NREP: variants seen among roughly 807,000 people sequenced by gnomAD.
NREP encodes the protein neuronal regeneration-related protein.
Under a neutral mutation model 8.6 loss-of-function variants are expected in NREP, and 5 were observed. The observed-to-expected ratio is 0.58, with a 90% CI of 0.30 to 1.22. NREP has a LOEUF of 1.22. NREP is among the 50% of genes most tolerant of loss of function. The pLI, the probability that NREP is intolerant of heterozygous loss-of-function variation, is 0.07. For synonymous variants in NREP, 27 were observed against 28.0 expected (o/e 0.96, Z 0.11); for missense variants, 86 against 82.5 (o/e 1.04, Z -0.17).
At chr5:111,868,480 G>A (rs934643656) in intron 2 of NREP, among the ~76,000 whole-genome samples, 3 of 151,996 alleles carry the variant, frequency 2.0e-5, no homozygotes, top group African/African-American at 4.8e-5. Flanking sequence ...ACTCCCAAAT[G>A]GATTTTGTTT....
intron 2 of NREP, among the ~76,000 whole-genome samples, chr5:111,792,477 T>C (rs983004368): frequency 6.6e-6 from 1 of 152,192 alleles, no homozygotes; most frequent in Non-Finnish European, 1.5e-5. Context: ...TAAACTTGGA[T>C]GCACAATAAA....
At chr5:111,782,442 T>A (rs1314308611) in intron 2 of NREP, among the ~76,000 whole-genome samples, 1 of 152,232 alleles carries the variant, frequency 6.6e-6, no homozygotes, top group Non-Finnish European at 1.5e-5. Flanking sequence ...GATGTGATCA[T>A]ATATTCTGCC....
chr5:111,894,034 A>T (rs1241447011), intron 2 of NREP, among the ~76,000 whole-genome samples: 2 of 152,010 alleles, frequency 1.3e-5, no homozygotes, highest in African/African-American at 2.4e-5. Flanking sequence ...CCTGGCAAAC[A>T]TGATGAAACC....
intron 2 of NREP, among the ~76,000 whole-genome samples, chr5:111,741,161 G>A (rs774728121): frequency 3.3e-5 from 5 of 152,126 alleles, no homozygotes; most frequent in African/African-American, 7.2e-5. Context: ...ATGGGTATGC[G>A]TATCTGTCTC....
At chr5:111,788,229 T>C (rs1270202960) in intron 2 of NREP, among the ~76,000 whole-genome samples, 1 of 152,242 alleles carries the variant, frequency 6.6e-6, no homozygotes, top group Non-Finnish European at 1.5e-5. Context: ...GTAGGTTCAA[T>C]GGGCCAAAAT....
intron 2 of NREP, among the ~76,000 whole-genome samples, chr5:111,740,070 C>A (rs1052845227): frequency 5.4e-4 from 81 of 151,042 alleles, no homozygotes; most frequent in Admixed American, 2.6e-4. Flanking sequence ...GGAGAATATG[C>A]AACAGTTTTG....
intron 2 of NREP, among the ~76,000 whole-genome samples, chr5:111,799,450 C>T (rs1487810845): frequency 6.6e-6 from 1 of 152,078 alleles, no homozygotes; most frequent in Admixed American, 6.6e-5. Flanking sequence ...TTGTTAAATC[C>T]CATTTGTGGT....
chr5:111,902,706 C>A (rs1754675078), intron 2 of NREP, among the ~76,000 whole-genome samples: 1 of 152,110 alleles, frequency 6.6e-6, no homozygotes, highest in Non-Finnish European at 1.5e-5. Context: ...AAAGCTTTAG[C>A]AGAAAAAATA....
At chr5:111,782,971 A>G (rs891652300) in intron 2 of NREP, among the ~76,000 whole-genome samples, 1 of 152,086 alleles carries the variant, frequency 6.6e-6, no homozygotes, top group African/African-American at 2.4e-5. Context: ...GGCCTCAAGT[A>G]ATCCACCTGC....
At chr5:111,758,175 G>C (rs1412653994), upstream of NREP, 2 of 985,452 alleles carry the variant, frequency 2.0e-6, no homozygotes, top group African/African-American at 3.5e-5. Context: ...CCGGGGCGGG[G>C]AGCGCCCCTG....
intron 2 of NREP, among the ~76,000 whole-genome samples, chr5:111,831,826 G>A (rs1246946932): frequency 6.6e-6 from 1 of 152,170 alleles, no homozygotes; most frequent in Non-Finnish European, 1.5e-5. Flanking sequence ...ACGCCCTCAA[G>A]ATAGCTGCCA....
At chr5:111,733,534 G>GC (rs1262525385) in intron 3 of NREP, 1 of 150,158 alleles carries the variant, frequency 6.7e-6, no homozygotes, top group Non-Finnish European at 1.5e-5. Context: ...TAGGCTTTCT[G>GC]CCCCAACTAA....
intron 2 of NREP, among the ~76,000 whole-genome samples, chr5:111,922,241 T>G (rs1211064768): frequency 6.6e-6 from 1 of 152,086 alleles, no homozygotes; most frequent in East Asian, 1.9e-4. Context: ...CTACCTTTCT[T>G]GAGGACTGGG....
chr5:111,750,606 CCTCA>C (rs1465940932), intron 2 of NREP, among the ~76,000 whole-genome samples: 1 of 152,186 alleles, frequency 6.6e-6, no homozygotes, highest in Non-Finnish European at 1.5e-5. Flanking sequence ...AATCCCCAGT[CCTCA>C]CTAACATCAC....
At chr5:111,796,222 T>C (rs1339729285) in intron 2 of NREP, among the ~76,000 whole-genome samples, 1 of 152,192 alleles carries the variant, frequency 6.6e-6, no homozygotes, top group Non-Finnish European at 1.5e-5. Context: ...TCTTTCCTTT[T>C]GTCTCTTGCC....
chr5:111,960,458 A>G (rs1756448769), intron 2 of NREP, among the ~76,000 whole-genome samples: 2 of 152,330 alleles, frequency 1.3e-5, no homozygotes, highest in South Asian at 4.1e-4. Flanking sequence ...AATATGTGCC[A>G]TTGTTAACAA....
At chr5:111,798,297 T>C (rs1008079788) in intron 2 of NREP, among the ~76,000 whole-genome samples, 13 of 152,336 alleles carry the variant, frequency 8.5e-5, no homozygotes, top group Admixed American at 8.5e-4. Flanking sequence ...CAAAAATCTT[T>C]GGAAATTGAC....
intron 2 of NREP, among the ~76,000 whole-genome samples, chr5:111,917,890 A>G (rs1561344852): frequency 6.6e-6 from 1 of 152,174 alleles, no homozygotes; most frequent in Non-Finnish European, 1.5e-5. Context: ...AATAAAAGGT[A>G]TTCAGTTAGG....
At chr5:111,811,907 A>C (rs1752278546) in intron 2 of NREP, among the ~76,000 whole-genome samples, 1 of 152,202 alleles carries the variant, frequency 6.6e-6, no homozygotes, top group Non-Finnish European at 1.5e-5. Flanking sequence ...TAACTTAAAG[A>C]AATTAAAAAC....
Sources: allele counts gnomAD v4.1 joint callset (sites outside exome capture counted in the v4.1 genomes callset), GRCh38; gene constraint gnomAD v4.1.1; transcripts MANE v1.5; gene names NCBI Gene and HGNC (gene_info 2026-07-23, HGNC 2026-07-21).